Variants in FHIT observed in about 807,000 individuals in gnomAD.
FHIT encodes the protein bis(5'-adenosyl)-triphosphatase.
In FHIT, 19 loss-of-function variants were observed where a neutral mutation model predicts 17.9. The observed-to-expected ratio is 1.06, with a 90% confidence interval of 0.74 to 1.56. The LOEUF (loss-of-function observed/expected upper bound fraction) is 1.56. Among genes scored for constraint, FHIT ranks in the 40% most tolerant of loss-of-function variants. The pLI is 0.00. For missense variants in FHIT, 248 were observed against 189.2 expected, an observed-to-expected ratio of 1.31 and a Z score of -1.82; for synonymous variants, 81 against 69.7, an observed-to-expected ratio of 1.16 and a Z score of -0.81.
rs1436445175 is a variant in FHIT, at chr3:60,654,820, C to G, written c.-17-117841G>C. 3.3e-5 allele frequency among the ~76,000 whole-genome samples: 5 copies of G among 152,096 alleles called. No homozygotes were observed. In the South Asian group the frequency reaches 8.3e-4, roughly 25 times the overall value. ...GGAAAAATCACAAAAAAAGACTACT[C>G]TGGTGACAGAGCAAATGTCAATTAA... On this transcript the variant is annotated intron_variant, in intron 4 of 9. Coordinates refer to ENST00000492590, the MANE Select transcript of FHIT (RefSeq NM_002012.4).
At chr3:60,561,607 T>G (rs150716748) in intron 4 of FHIT, among the ~76,000 whole-genome samples, 171 of 152,216 alleles carry the variant, frequency 1.1e-3, no homozygotes, top group Middle Eastern at 3.4e-3. Flanking sequence ...TTCAGGCCAT[T>G]ATCCAGGATG....
chr3:60,648,232 T>C (rs1358998520), intron 4 of FHIT, among the ~76,000 whole-genome samples: 1 of 152,210 alleles, frequency 6.6e-6, no homozygotes, highest in Non-Finnish European at 1.5e-5. Flanking sequence ...CTCAAATTCA[T>C]ACGTCACCTG....
intron 5 of FHIT, among the ~76,000 whole-genome samples, chr3:60,455,976 T>C (rs2032064154): frequency 6.6e-6 from 1 of 152,138 alleles, no homozygotes; most frequent in Admixed American, 6.5e-5. Flanking sequence ...TAGCAAGTGG[T>C]TGGACTCATA....
chr3:59,857,923 A>G (rs1463895501), intron 8 of FHIT, among the ~76,000 whole-genome samples: 1 of 152,128 alleles, frequency 6.6e-6, no homozygotes, highest in Admixed American at 6.5e-5. Context: ...TTTAGAGTAG[A>G]ACTTACGGGC....
chr3:60,127,965 C>G (rs1056521336), intron 5 of FHIT, among the ~76,000 whole-genome samples: 3 of 152,100 alleles, frequency 2.0e-5, no homozygotes, highest in African/African-American at 7.2e-5. Flanking sequence ...GTAAGTTACA[C>G]AAAGTCAGCA....
intron 7 of FHIT, among the ~76,000 whole-genome samples, chr3:59,946,390 G>C (rs1706804815): frequency 6.6e-6 from 1 of 152,216 alleles, no homozygotes; most frequent in Non-Finnish European, 1.5e-5. Flanking sequence ...AAACCTTGCT[G>C]AAGTTGTTTA....
chr3:61,084,112 G>C lies in FHIT; in HGVS notation c.-163-42013C>G, dbSNP rs114648720. ...GAATTTATTTCTGTTTATGATGTGAGGTTCATTTTTCCCTGCCCTGATACC... is the reference window on the plus strand; with the variant it reads ...GAATTTATTTCTGTTTATGATGTGACGTTCATTTTTCCCTGCCCTGATACC... On this transcript the variant is annotated intron_variant, in intron 2 of 9. Coordinates refer to ENST00000492590, the MANE Select transcript of FHIT (RefSeq NM_002012.4). 1.8e-3 allele frequency among the ~76,000 whole-genome samples: 275 copies of C among 152,300 alleles called. 5 individuals are homozygous for C. The Middle Eastern group carries it at 0.024, about 13-fold the overall frequency.
intron 5 of FHIT, among the ~76,000 whole-genome samples, chr3:60,104,133 G>C (rs751640387): frequency 1.9e-4 from 29 of 152,122 alleles, no homozygotes; most frequent in Non-Finnish European, 4.0e-4. Flanking sequence ...TTTTGGGGAG[G>C]AAAAAAAGTC....
intron 5 of FHIT, among the ~76,000 whole-genome samples, chr3:60,490,925 G>A (rs12330869): frequency 6.6e-6 from 1 of 151,916 alleles, no homozygotes; most frequent in Non-Finnish European, 1.5e-5. Context: ...CAGTCTGGTC[G>A]ATGCTTTGAC....
chr3:60,384,802 A>T (rs372141553), intron 5 of FHIT, among the ~76,000 whole-genome samples: 2 of 151,366 alleles, frequency 1.3e-5, no homozygotes, highest in Non-Finnish European at 2.9e-5. Flanking sequence ...ACTATGTGAG[A>T]GATGAACAGA....
intron 5 of FHIT, among the ~76,000 whole-genome samples, chr3:60,511,119 C>A (rs990820077): frequency 6.6e-6 from 1 of 152,088 alleles, no homozygotes; most frequent in Non-Finnish European, 1.5e-5. Flanking sequence ...CTCATGTCTG[C>A]CCATTACTTT....
intron 5 of FHIT, among the ~76,000 whole-genome samples, chr3:60,388,772 T>C (rs753663941): frequency 1.3e-5 from 2 of 152,230 alleles, no homozygotes; most frequent in African/African-American, 2.4e-5. Context: ...TGCCAGCTCT[T>C]GTGTTCCAAG....
At chr3:60,744,103 G>C (rs978729341) in intron 4 of FHIT, among the ~76,000 whole-genome samples, 2 of 151,994 alleles carry the variant, frequency 1.3e-5, no homozygotes, top group Admixed American at 1.3e-4. Context: ...ACAGAGCGAT[G>C]CTCTGACCTG....
intron 2 of FHIT, among the ~76,000 whole-genome samples, chr3:61,089,042 T>G (rs2035394340): frequency 6.6e-6 from 1 of 152,152 alleles, no homozygotes; most frequent in Non-Finnish European, 1.5e-5. Flanking sequence ...CCTTAGCCTA[T>G]TATTACATCA....
chr3:61,080,009 CAAACTCTT>C (rs1166023589), intron 2 of FHIT, among the ~76,000 whole-genome samples: 1 of 151,974 alleles, frequency 6.6e-6, no homozygotes, highest in Non-Finnish European at 1.5e-5. Flanking sequence ...AAATTATCAT[CAAACTCTT>C]AAAGTATTTC....
chr3:60,984,084 G>A (rs1042629745), intron 3 of FHIT, among the ~76,000 whole-genome samples: 1 of 152,136 alleles, frequency 6.6e-6, no homozygotes, highest in Non-Finnish European at 1.5e-5. Context: ...CAGCGTCTGT[G>A]GATCTTCTTG....
chr3:60,443,056 A>C (rs1330726774), intron 5 of FHIT, among the ~76,000 whole-genome samples: 1 of 152,154 alleles, frequency 6.6e-6, no homozygotes, highest in Non-Finnish European at 1.5e-5. Context: ...GAGTTCACTC[A>C]TGATTTGGCT....
At position 59,771,007 on chromosome 3, in the gene FHIT, C is replaced by T. The variant is rs17061181; in HGVS notation, c.349-18686G>A. ...GGTGCCTGTTTTCACATTTGCACAT[C>T]GCCTCTTTTATTTAACACGTAAAAT... On this transcript the variant is annotated intron_variant, in intron 8 of 9. Transcript: ENST00000492590. 6.5e-3 allele frequency among the ~76,000 whole-genome samples: 985 copies of T among 152,280 alleles called. 14 individuals carry two copies. The highest frequency in any genetic ancestry group is 0.022 in the African/African-American group (900 of 41,556).
intron 4 of FHIT, among the ~76,000 whole-genome samples, chr3:60,716,576 T>C (rs910984544): frequency 3.9e-5 from 6 of 152,186 alleles, no homozygotes; most frequent in African/African-American, 1.4e-4. Flanking sequence ...TTCTTCTGAA[T>C]ACCTCCTGGA....
Sources: gnomAD v4.1 joint callset for allele counts (sites outside exome capture counted in the v4.1 genomes callset) on GRCh38, gnomAD v4.1.1 for gene constraint, MANE v1.5 for transcripts, NCBI Gene and HGNC (gene_info 2026-07-23, HGNC 2026-07-21) for gene names.